NALCN: variants seen among roughly 807,000 people sequenced by gnomAD.
NALCN encodes the protein sodium leak channel NALCN.
A neutral mutation model predicts 225.3 loss-of-function variants in NALCN; 111 were observed. That is an observed-to-expected ratio of 0.49 (90% CI 0.42 to 0.58). The LOEUF is 0.58. Among genes scored for constraint, NALCN ranks in the 20% least tolerant of loss-of-function variants. The pLI, the probability that NALCN is intolerant of heterozygous loss-of-function variation, is 0.00. For missense variants in NALCN, 1,378 were observed against 2,202.4 expected (o/e 0.63, Z 7.49); for synonymous variants, 764 against 769.0 (o/e 0.99, Z 0.11).
intron 7 of NALCN, among the ~76,000 whole-genome samples, chr13:101,299,312 A>C (rs1257851765): frequency 6.6e-6 from 1 of 152,234 alleles, no homozygotes; most frequent in Non-Finnish European, 1.5e-5. Flanking sequence ...ACATTAATTA[A>C]AATCGAAAAT....
intron 6 of NALCN, among the ~76,000 whole-genome samples, chr13:101,355,696 G>A (rs1809684509): frequency 6.6e-6 from 1 of 152,120 alleles, no homozygotes; most frequent in African/African-American, 2.4e-5. Flanking sequence ...GGATCAAGTG[G>A]ACCTAATGGA....
At chr13:101,121,704 CTT>C (rs2035982752) in intron 18 of NALCN, among the ~76,000 whole-genome samples, 1 of 152,218 alleles carries the variant, frequency 6.6e-6, no homozygotes, top group African/African-American at 2.4e-5. Flanking sequence ...TCTGCATCCT[CTT>C]TGTCTTAAAA....
chr13:101,158,426 A>T (rs2038009241), intron 15 of NALCN, among the ~76,000 whole-genome samples: 1 of 152,172 alleles, frequency 6.6e-6, no homozygotes, highest in African/African-American at 2.4e-5. Context: ...GGCACCGCTG[A>T]GCTCCCCTCT....
At position 101,341,539 on chromosome 13, in the gene NALCN, C is replaced by T. The variant is rs539558381; in HGVS notation, c.799+3727G>A. On this transcript the variant is annotated intron_variant, in intron 7 of 43. Transcript: ENST00000251127. The stretch of plus-strand genomic sequence containing the variant: ...ACTTACTGAGAAAAGCTGCATCCTT[C>T]GAATCTGTAATTCAGTGCTCTGTTT... 1.1e-4 allele frequency among the ~76,000 whole-genome samples: 16 copies of T among 152,252 alleles called. No homozygotes were observed. The East Asian group carries it at 1.7e-3, about 17-fold the overall frequency.
chr13:101,383,642 T>A (rs995739729), intron 3 of NALCN, among the ~76,000 whole-genome samples: 9 of 152,232 alleles, frequency 5.9e-5, no homozygotes, highest in African/African-American at 2.2e-4. Context: ...AGATGTCAGT[T>A]AATATTTCTT....
chr13:101,153,961 G>T (rs894520345), intron 15 of NALCN, among the ~76,000 whole-genome samples: 1 of 152,146 alleles, frequency 6.6e-6, no homozygotes, highest in Non-Finnish European at 1.5e-5. Flanking sequence ...CTCACACAGG[G>T]ATGTCACATG....
At chr13:101,402,964 G>A (rs1413377589) in intron 1 of NALCN, among the ~76,000 whole-genome samples, 2 of 152,032 alleles carry the variant, frequency 1.3e-5, no homozygotes, top group Admixed American at 6.6e-5. Flanking sequence ...TATGTACAAC[G>A]GCCTTTTTCA....
At chr13:101,280,244 AACTTGTGTCAC>A (rs2043122361) in intron 10 of NALCN, among the ~76,000 whole-genome samples, 1 of 152,116 alleles carries the variant, frequency 6.6e-6, no homozygotes, top group African/African-American at 2.4e-5. Context: ...AGTGGAATGA[AACTTGTGTCAC>A]ACTGAATTAC....
intron 9 of NALCN, among the ~76,000 whole-genome samples, chr13:101,287,399 A>G (rs140730340): frequency 1.0e-3 from 155 of 152,330 alleles, no homozygotes; most frequent in African/African-American, 3.6e-3. Context: ...TGCTGAATAA[A>G]AAGGCTCTTG....
intron 13 of NALCN, among the ~76,000 whole-genome samples, chr13:101,221,343 T>C (rs1416068259): frequency 6.6e-6 from 1 of 152,052 alleles, no homozygotes; most frequent in Non-Finnish European, 1.5e-5. Flanking sequence ...GGTCTCCATC[T>C]CCTGACCTCA....
chr13:101,078,559 G>GT (rs1566789448), intron 34 of NALCN, among the ~76,000 whole-genome samples: 1 of 152,130 alleles, frequency 6.6e-6, no homozygotes, highest in African/African-American at 2.4e-5. Flanking sequence ...TAGCCCCTTT[G>GT]TTTTGGCCAA....
intron 11 of NALCN, among the ~76,000 whole-genome samples, chr13:101,246,737 A>G (rs2041909152): frequency 6.6e-6 from 1 of 152,214 alleles, no homozygotes; most frequent in South Asian, 2.1e-4. Context: ...CTGCTATGGC[A>G]AGATTGATTA....
At chr13:101,318,332 G>A (rs1451704504) in intron 7 of NALCN, among the ~76,000 whole-genome samples, 1 of 152,146 alleles carries the variant, frequency 6.6e-6, no homozygotes, top group African/African-American at 2.4e-5. Context: ...TGGCTGCGGT[G>A]GGGTGGTCAG....
intron 18 of NALCN, among the ~76,000 whole-genome samples, chr13:101,123,613 A>G (rs1177543216): frequency 6.6e-6 from 1 of 152,178 alleles, no homozygotes; most frequent in African/African-American, 2.4e-5. Flanking sequence ...TTTTCATCCT[A>G]TGACAGCTAC....
At chr13:101,286,214 G>C (rs540716049) in intron 9 of NALCN, among the ~76,000 whole-genome samples, 4 of 152,324 alleles carry the variant, frequency 2.6e-5, no homozygotes, top group Non-Finnish European at 5.9e-5. Context: ...CTTGCGGGGA[G>C]CGTGGCAGGG....
chr13:101,368,151 C>G (rs1016004369), intron 6 of NALCN, among the ~76,000 whole-genome samples: 1 of 115,524 alleles, frequency 8.7e-6, no homozygotes, highest in Admixed American at 1.1e-4. Context: ...TATCCCTCCC[C>G]CCTCCCCCCA....
intron 13 of NALCN, among the ~76,000 whole-genome samples, chr13:101,211,625 TG>T (rs201195727): frequency 1.9e-4 from 28 of 145,440 alleles, no homozygotes; most frequent in African/African-American, 2.3e-4. Context: ...CAGTTTTTTT[TG>T]GGGGGGGAGA....
At chr13:101,194,215 G>A (rs1246634350) in intron 13 of NALCN, among the ~76,000 whole-genome samples, 2 of 152,030 alleles carry the variant, frequency 1.3e-5, no homozygotes, top group African/African-American at 2.4e-5. Context: ...CAAGAGCACT[G>A]GGGTTATCCT....
chr13:101,123,152 GT>G (rs2036062194), intron 18 of NALCN, among the ~76,000 whole-genome samples: 1 of 152,202 alleles, frequency 6.6e-6, no homozygotes, highest in African/African-American at 2.4e-5. Flanking sequence ...GCCAGTATCT[GT>G]TTCTGCATCT....
Sources: gnomAD v4.1 joint callset for allele counts (sites outside exome capture counted in the v4.1 genomes callset) on GRCh38, gnomAD v4.1.1 for gene constraint, MANE v1.5 for transcripts, NCBI Gene and HGNC (gene_info 2026-07-23, HGNC 2026-07-21) for gene names.